Variants in UBN2 observed in about 807,000 individuals in gnomAD.
UBN2 encodes ubinuclein 2.
In UBN2, 35 loss-of-function variants were observed where a neutral mutation model predicts 120.2. That is an observed-to-expected ratio of 0.29 (90% confidence interval 0.22 to 0.39). The LOEUF is 0.39. Ranked by LOEUF, UBN2 falls within the 10% of genes least tolerant of loss-of-function variation. The pLI, the probability that UBN2 is intolerant of heterozygous loss-of-function variation, is 1.00. For synonymous variants in UBN2, 661 were observed against 648.7 expected, an observed-to-expected ratio of 1.02 and a Z score of -0.29; for missense variants, 1,693 against 1,663.2, an observed-to-expected ratio of 1.02 and a Z score of -0.31.
chr7:139,256,873 A>C (rs1450909172), intron 3 of UBN2, among the ~76,000 whole-genome samples: 1 of 152,194 alleles, frequency 6.6e-6, no homozygotes, highest in Non-Finnish European at 1.5e-5. Flanking sequence ...CAGTGTGATT[A>C]AACTGGAACC....
chr7:139,262,647 G>A (rs1585004458), intron 6 of UBN2, among the ~76,000 whole-genome samples: 1 of 150,792 alleles, frequency 6.6e-6, no homozygotes, highest in Middle Eastern at 3.4e-3. Context: ...CTGGGAGGCA[G>A]AGGTTACAGT....
At chr7:139,323,558 T>G in the UBN2 span, among the ~76,000 whole-genome samples, 16 of 41,004 alleles carry the variant, frequency 3.9e-4, no homozygotes, top group South Asian at 2.9e-3. Flanking sequence ...TGGACCTGAT[T>G]ATTATTATTA....
intron 6 of UBN2, among the ~76,000 whole-genome samples, chr7:139,262,388 C>T (rs996271183): frequency 6.6e-6 from 1 of 152,194 alleles, no homozygotes; most frequent in African/African-American, 2.4e-5. Flanking sequence ...GTGTGACCCA[C>T]TGCGCCCAGC....
At chr7:139,308,371 C>G (rs1247374574), downstream of UBN2, 1 of 152,154 alleles carries the variant, frequency 6.6e-6, no homozygotes, top group South Asian at 2.1e-4. Context: ...AGTCTCCTGC[C>G]TCCCAGTATA....
In UBN2 at chr7:139,303,639, A is replaced by C. The variant is rs946970877; in HGVS notation, c.*5803A>C. 6.6e-6 allele frequency: 1 copy of C among 152,208 alleles called. No homozygotes were observed. Among genetic ancestry groups the C allele is most frequent in the African/African-American group, 2.4e-5 (1 of 41,448 alleles). 9.4% of individuals were successfully genotyped at this position (152,208 alleles called of 1,614,324 possible). A position where few individuals can be genotyped will look rare whatever the true frequency, so the allele number is the denominator to read the frequency against. On this transcript the variant is annotated 3_prime_UTR_variant, in exon 18 of 18. Coordinates refer to ENST00000473989, the MANE Select transcript of UBN2 (RefSeq NM_173569.4). ...TATCAGAGACTTTACTATTTCAAAAATATTTTGAGTTTTTGTAAAATGTCC... is the reference window on the plus strand; with the variant it reads ...TATCAGAGACTTTACTATTTCAAAACTATTTTGAGTTTTTGTAAAATGTCC...
Position 139,284,541 on chromosome 7 carries a change from C to T in UBN2, c.3636C>T (p.Ala1212=). The change falls in exon 15 of 18, where the codon GCC becomes GCT. Residue 1212 remains alanine (A), a synonymous_variant. Transcript: ENST00000473989. ...CTACTCCACATAGACCATCCACTGC[C>T]TCAGGGTCTTCAGTGGTAACAGCCA... ...PLSTPHRPST[A]SGSSVVTASV... The T allele has an allele frequency of 6.2e-7, 1 of 1,613,032 alleles. No homozygotes were observed. Among genetic ancestry groups the T allele is most frequent in the African/African-American group, 1.3e-5 (1 of 75,044 alleles).
At chr7:139,277,861 T>C (rs2131022536) in intron 12 of UBN2, 1 of 152,284 alleles carries the variant, frequency 6.6e-6, no homozygotes, top group South Asian at 2.1e-4. Context: ...TTCCTATACA[T>C]ACATTCCTAT....
intron 3 of UBN2, among the ~76,000 whole-genome samples, chr7:139,255,621 C>CA (rs1215650422): frequency 1.3e-5 from 2 of 152,042 alleles, no homozygotes; most frequent in East Asian, 3.9e-4. Flanking sequence ...TTGCCCTTGA[C>CA]ATATTATTTG....
rs913773779 is a variant in UBN2, at chr7:139,242,902, A to G, written c.561+5805A>G. 2.0e-5 allele frequency among the ~76,000 whole-genome samples: 3 copies of G among 152,216 alleles called. No individual in the cohort carries two copies. The South Asian group carries it at 6.2e-4, about 32-fold the overall frequency. On this transcript the variant is annotated intron_variant, in intron 2 of 17. Transcript: ENST00000473989. ...TGAAGAAATGGGCACAGATGTAAAG[A>G]GATAAGGTGGCAGGGCTGGGACAAG...
downstream of UBN2, among the ~76,000 whole-genome samples, chr7:139,310,017 T>C (rs1013808508): frequency 1.3e-5 from 2 of 152,186 alleles, no homozygotes; most frequent in African/African-American, 4.8e-5. Context: ...TAAGTTGTTT[T>C]GTGTAACAAA....
Position 139,261,319 on chromosome 7 carries a change from G to A in UBN2, c.973G>A (p.Ala325Thr). The change falls in exon 6 of 18, where the codon GCT (alanine) becomes ACT (threonine). Residue 325 changes from alanine (A) to threonine (T), a missense_variant. Ala to Thr is a moderately conservative substitution (Grantham distance 58, BLOSUM62 0). Around this residue, in one of 5 missense-constraint regions of UBN2, gnomAD observed 663 missense variants for 591.2 expected, o/e 1.12. Coordinates refer to ENST00000473989, the MANE Select transcript of UBN2 (RefSeq NM_173569.4). ...ACGTTATAAAGATTCTCTTTCTCTA[G>A]CTGCCATGATTAGAAAATTCCAGAA... ...KKRYKDSLSL[A>T]AMIRKFQKEK... The A allele has an allele frequency of 6.2e-7, 1 of 1,613,984 alleles. No homozygotes were observed.
At position 139,259,298 on chromosome 7, in the gene UBN2, TGAA is replaced by T; in HGVS notation, c.838_840del (p.Lys280del). The T allele has an allele frequency of 1.2e-6, 2 of 1,613,652 alleles. No individual in the cohort carries two copies. The highest frequency in any genetic ancestry group is 1.7e-6 in the Non-Finnish European group (2 of 1,179,818). Reference sequence around the variant, plus strand: ...AAAATAAAAGAAGATGATATTGAGATGAAGAAGCGGAAGCGGAAAGAGGAAGGG... The same window carrying T: ...AAAATAAAAGAAGATGATATTGAGATGAAGCGGAAGCGGAAAGAGGAAGGG... On this transcript the variant is annotated inframe_deletion, in exon 5 of 18. Transcript: ENST00000473989.
rs200924863 is a variant in UBN2 at position 139,304,704 on chromosome 7, A to AGGGG, written c.*6871_*6872insGGGG. On this transcript the variant is annotated 3_prime_UTR_variant, in exon 18 of 18. Transcript: ENST00000473989. Reference sequence around the variant, plus strand: ...TAAGGTCCACTGAATCTCTAATGATAGGGTGTGTGTGTGTGTGTGTGTGTG... The same window carrying AGGGG: ...TAAGGTCCACTGAATCTCTAATGATAGGGGGGGTGTGTGTGTGTGTGTGTGTGTG... 7.9e-6 allele frequency: 1 copy of AGGGG among 126,540 alleles called. No individual in the cohort carries two copies. The highest frequency in any genetic ancestry group is 3.7e-5 in the African/African-American group (1 of 27,120). The allele number at this position is 126,540 out of a possible 1,614,324, so 7.8% of individuals were successfully genotyped here. A position where few individuals can be genotyped will look rare whatever the true frequency, so the allele number is the denominator to read the frequency against.
chr7:139,308,713 T>C (rs994601943), downstream of UBN2, among the ~76,000 whole-genome samples: 5 of 152,154 alleles, frequency 3.3e-5, no homozygotes. Flanking sequence ...TATTTGATGG[T>C]GCTACTACGG....
Position 139,305,722 on chromosome 7 carries a change from C to G in UBN2, c.*7886C>G, listed in dbSNP as rs962327922. 1 of 152,126 alleles carries G rather than the reference C, an allele frequency of 6.6e-6. No individual in the cohort carries two copies. The highest frequency in any genetic ancestry group is 1.5e-5 in the Non-Finnish European group (1 of 68,016). 9.4% of individuals were successfully genotyped at this position (152,126 alleles called of 1,614,324 possible). ...CTCTGTGTCTAGGACTTACAGTCAT[C>G]AGTGGTCATCACTGGGACTAGAGGT... On this transcript the variant is annotated 3_prime_UTR_variant, in exon 18 of 18. Transcript: ENST00000473989.
chr7:139,253,470 A>T (rs1007516034), intron 3 of UBN2, among the ~76,000 whole-genome samples: 1 of 152,230 alleles, frequency 6.6e-6, no homozygotes, highest in Admixed American at 6.5e-5. Flanking sequence ...AATCTTAAAG[A>T]TTGGTGCTAC....
At chr7:139,321,982 C>CT in the UBN2 span, among the ~76,000 whole-genome samples, 554 of 146,598 alleles carry the variant, frequency 3.8e-3, 7 homozygotes, top group East Asian at 0.052. Context: ...GAAAAAGAGA[C>CT]TTTTTTTTTT....
chr7:139,231,386 G>A lies in UBN2; in HGVS notation c.-99G>A, dbSNP rs1042025126. 4 of 1,060,092 alleles carry A rather than the reference G, an allele frequency of 3.8e-6. No homozygotes were observed. The highest frequency in any genetic ancestry group is 4.8e-6 in the Non-Finnish European group (4 of 826,718). The allele number at this position is 1,060,092 out of a possible 1,614,324, so 65.7% of individuals were successfully genotyped here. ...AGACGGCTGAGGGTGGTGGAGGGAA[G>A]AAAAGCGACAGAGAGCAAGAGGAAG... On this transcript the variant is annotated 5_prime_UTR_variant, in exon 1 of 18. Coordinates refer to ENST00000473989, the MANE Select transcript of UBN2 (RefSeq NM_173569.4).
rs1167741217 is a variant in UBN2 at position 139,299,588 on chromosome 7, T to C, written c.*1752T>C. On this transcript the variant is annotated 3_prime_UTR_variant, in exon 18 of 18. Coordinates refer to ENST00000473989, the MANE Select transcript of UBN2 (RefSeq NM_173569.4). ...AACTTGTTACAGTAAAGGGAAAGGA[T>C]TATTTCAAAGGAATCACTGATATAA... is the stretch of plus-strand genomic sequence containing the variant. 1 of 152,160 alleles carries C rather than the reference T, an allele frequency of 6.6e-6. No individual in the cohort carries two copies. The highest frequency in any genetic ancestry group is 2.4e-5 in the African/African-American group (1 of 41,454). 9.4% of individuals were successfully genotyped at this position (152,160 alleles called of 1,614,324 possible). A position where few individuals can be genotyped will look rare whatever the true frequency, so the allele number is the denominator to read the frequency against.
Sources: allele counts gnomAD v4.1 joint callset (sites outside exome capture counted in the v4.1 genomes callset), GRCh38; gene constraint gnomAD v4.1.1; regional missense constraint gnomAD v4.1.1; transcripts MANE v1.5; gene names NCBI Gene and HGNC (gene_info 2026-07-23, HGNC 2026-07-21).